The following EPB41L3 variants were observed in gnomAD, a reference collection of about 807,000 sequenced individuals.
The protein encoded by EPB41L3 is band 4.1-like protein 3.
In EPB41L3, 57 loss-of-function variants were observed where a neutral mutation model predicts 127.1. That is an observed-to-expected ratio of 0.45 (90% CI 0.36 to 0.56). EPB41L3 has a LOEUF of 0.56. EPB41L3 is among the 20% of genes least tolerant of loss of function. The pLI, the probability that EPB41L3 is intolerant of heterozygous loss-of-function variation, is 0.00. For synonymous variants in EPB41L3, 572 were observed against 549.5 expected, an observed-to-expected ratio of 1.04 and a Z score of -0.57; for missense variants, 1,273 against 1,372.2, an observed-to-expected ratio of 0.93 and a Z score of 1.14.
upstream of EPB41L3, among the ~76,000 whole-genome samples, chr18:5,545,124 C>A (rs1205429869): frequency 1.3e-5 from 2 of 152,158 alleles, no homozygotes; most frequent in Admixed American, 1.3e-4. Context: ...ATAATATACT[C>A]ATTTAGCAAA....
At chr18:5,466,643 CTG>C (rs765340623) in intron 3 of EPB41L3, among the ~76,000 whole-genome samples, 2 of 152,190 alleles carry the variant, frequency 1.3e-5, no homozygotes, top group Non-Finnish European at 2.9e-5. Flanking sequence ...GACCTCAACT[CTG>C]TGTCAAAAAG....
chr18:5,551,413 G>C (rs1296770709), intron 3 of EPB41L3, among the ~76,000 whole-genome samples: 1 of 152,066 alleles, frequency 6.6e-6, no homozygotes, highest in Non-Finnish European at 1.5e-5. Context: ...AGAATCACGT[G>C]GGGGGATTTT....
At chr18:5,417,139 A>G (rs573257559) in intron 12 of EPB41L3, among the ~76,000 whole-genome samples, 1 of 152,364 alleles carries the variant, frequency 6.6e-6, no homozygotes, top group South Asian at 2.1e-4. Flanking sequence ...TTTTCTTGTA[A>G]CATGCTTTGC....
intron 1 of EPB41L3, 170 bp from the exon 2 acceptor site, chr18:5,489,364 G>A: frequency 1.5e-6 from 1 of 674,184 alleles, no homozygotes; most frequent in Non-Finnish European, 2.3e-6. Flanking sequence ...CTTCACCACT[G>A]AGATGGGTGC....
intron 3 of EPB41L3, among the ~76,000 whole-genome samples, chr18:5,558,513 G>A (rs894976036): frequency 2.6e-5 from 4 of 152,166 alleles, no homozygotes; most frequent in Non-Finnish European, 4.4e-5. Flanking sequence ...GAGAGTGTAC[G>A]CCTATAGTAT....
At chr18:5,423,240 G>T in intron 11 of EPB41L3, 138 bp downstream of exon 11, 1 of 828,720 alleles carries the variant, frequency 1.2e-6, no homozygotes, top group Non-Finnish European at 1.7e-6. Context: ...TTAAAAATGT[G>T]CCATTCAGTC....
At chr18:5,479,349 A>G (rs1221722433) in intron 2 of EPB41L3, among the ~76,000 whole-genome samples, 2 of 152,358 alleles carry the variant, frequency 1.3e-5, no homozygotes, top group East Asian at 1.9e-4. Flanking sequence ...AATTCTGTTT[A>G]GGGCTTTGAA....
intron 3 of EPB41L3, chr18:5,577,379 T>C (rs1465440528): frequency 1.3e-5 from 6 of 453,388 alleles, no homozygotes; most frequent in Admixed American, 2.4e-5. Flanking sequence ...AGATGAAAGA[T>C]GGCATGCTGC....
chr18:5,490,943 C>A (rs9954882), intron 1 of EPB41L3, among the ~76,000 whole-genome samples: 3,065 of 152,278 alleles, frequency 0.02, 97 homozygotes, highest in African/African-American at 0.07. Context: ...TCTGTTGTAA[C>A]CACTACCCCC....
At chr18:5,506,266 C>T (rs1466228879) in intron 1 of EPB41L3, among the ~76,000 whole-genome samples, 1 of 152,152 alleles carries the variant, frequency 6.6e-6, no homozygotes, top group Non-Finnish European at 1.5e-5. Context: ...TCAAAATCCT[C>T]CAATGACTCT....
intron 9 of EPB41L3, among the ~76,000 whole-genome samples, chr18:5,426,131 GC>G (rs1025731412): frequency 1.3e-5 from 2 of 152,050 alleles, no homozygotes; most frequent in African/African-American, 2.4e-5. Flanking sequence ...CTAGTTTTGG[GC>G]CTTTTCTTTC....
At chr18:5,404,789 TTGTG>T (rs1255917945) in intron 16 of EPB41L3, among the ~76,000 whole-genome samples, 1 of 152,194 alleles carries the variant, frequency 6.6e-6, no homozygotes, top group African/African-American at 2.4e-5. Flanking sequence ...GCTATTTAGT[TTGTG>T]TTTTTGTAAC....
intron 3 of EPB41L3, among the ~76,000 whole-genome samples, chr18:5,592,548 C>T (rs931996888): frequency 1.3e-5 from 2 of 152,218 alleles, no homozygotes; most frequent in Non-Finnish European, 2.9e-5. Flanking sequence ...GGGATTCTCC[C>T]AGGAGTTCCT....
chr18:5,599,696 C>T (rs78854993), intron 3 of EPB41L3, among the ~76,000 whole-genome samples: 7 of 152,118 alleles, frequency 4.6e-5, no homozygotes, highest in Admixed American at 6.6e-5. Context: ...TGCCTGCTCC[C>T]GCTTTGCCTT....
chr18:5,556,731 C>A (rs938206068), intron 3 of EPB41L3, among the ~76,000 whole-genome samples: 2 of 152,184 alleles, frequency 1.3e-5, no homozygotes, highest in Non-Finnish European at 2.9e-5. Context: ...AGTCCACAGA[C>A]CTGCCCTCTG....
chr18:5,600,329 G>T (rs1432638246), intron 3 of EPB41L3, among the ~76,000 whole-genome samples: 2 of 152,028 alleles, frequency 1.3e-5, no homozygotes, highest in Admixed American at 1.3e-4. Context: ...ATTATATTTG[G>T]ACACATAAGA....
chr18:5,591,187 T>A (rs1434171981), intron 3 of EPB41L3, among the ~76,000 whole-genome samples: 2 of 152,248 alleles, frequency 1.3e-5, no homozygotes, highest in East Asian at 1.9e-4. Context: ...TAAATATTCA[T>A]GGAATCTGCA....
chr18:5,419,601 G>T, intron 12 of EPB41L3, 110 bp downstream of exon 12: 1 of 1,426,400 alleles, frequency 7.0e-7, no homozygotes, highest in Non-Finnish European at 9.6e-7. Context: ...GACCAGTGCT[G>T]ACATATGATT....
chr18:5,498,674 C>T (rs1439893809), intron 1 of EPB41L3, among the ~76,000 whole-genome samples: 1 of 150,328 alleles, frequency 6.7e-6, no homozygotes, highest in Non-Finnish European at 1.5e-5. Flanking sequence ...ACAACAGCAT[C>T]CTTGAGGTTT....
Sources: allele counts gnomAD v4.1 joint callset (sites outside exome capture counted in the v4.1 genomes callset), GRCh38; gene constraint gnomAD v4.1.1; transcripts MANE v1.5; gene names NCBI Gene and HGNC (gene_info 2026-07-23, HGNC 2026-07-21).